The following EPHA4 variants were observed in gnomAD, a reference collection of about 807,000 sequenced individuals.
The protein encoded by EPHA4 is ephrin type-A receptor 4.
EPHA4 carries 19 observed loss-of-function variants against 108.3 expected under a neutral mutation model. The observed-to-expected ratio is 0.18, with a 90% CI of 0.12 to 0.26. EPHA4 has a LOEUF of 0.26. Among genes scored for constraint, EPHA4 ranks in the 10% least tolerant of loss-of-function variants. The probability of loss-of-function intolerance (pLI) is 1.00; values close to 1 mark genes in which losing one functional copy is unlikely to be tolerated. For missense variants in EPHA4, 917 were observed against 1,254.0 expected (o/e 0.73, Z 4.06); for synonymous variants, 449 against 455.5 (o/e 0.99, Z 0.18).
rs139205886 is a variant in EPHA4 at position 221,546,715 on chromosome 2, G to T, written c.823+17016C>A. 7.3e-4 allele frequency among the ~76,000 whole-genome samples: 111 copies of T among 152,228 alleles called. 2 individuals carry two copies. The East Asian group carries it at 0.021, about 28-fold the overall frequency. On this transcript the variant is annotated intron_variant, in intron 3 of 17. Coordinates refer to ENST00000281821, the MANE Select transcript of EPHA4 (RefSeq NM_004438.5). ...TCAAACTGTTCTATCTTGCCATAAGGCTGAGAAAAGACAATAAAGAACCAT... is the reference window on the plus strand; with the variant it reads ...TCAAACTGTTCTATCTTGCCATAAGTCTGAGAAAAGACAATAAAGAACCAT...
In EPHA4 at chr2:221,566,927, A is replaced by G. The variant is rs1307322150; in HGVS notation, c.159+1791T>C. Among the ~76,000 whole-genome samples, 21 of 54,024 alleles carry G rather than the reference A, an allele frequency of 3.9e-4. 3 individuals carry two copies. The highest frequency in any genetic ancestry group is 1.1e-3 in the South Asian group (2 of 1,820). 35.4% of individuals were successfully genotyped at this position (54,024 alleles called of 152,430 possible). On this transcript the variant is annotated intron_variant, in intron 2 of 17. Coordinates refer to ENST00000281821, the MANE Select transcript of EPHA4 (RefSeq NM_004438.5). ...GAGAAGGAGAAGGAGAAGGAGAAGG[A>G]GAAGGAGAAGGAGAAGGAGAAGGAG...
chr2:221,452,457 C>G (rs1235146175), intron 8 of EPHA4, among the ~76,000 whole-genome samples: 1 of 152,224 alleles, frequency 6.6e-6, no homozygotes, highest in East Asian at 1.9e-4. Flanking sequence ...TTCACCTGTT[C>G]TTGTCCCATT....
chr2:221,442,725 C>T, intron 11 of EPHA4, 104 bp downstream of exon 11: 3 of 1,159,650 alleles, frequency 2.6e-6, no homozygotes, highest in Non-Finnish European at 3.8e-6. Flanking sequence ...CTCCTATTAG[C>T]AATCAGTGGG....
At chr2:221,472,300 CA>C (rs11397333) in intron 5 of EPHA4, among the ~76,000 whole-genome samples, 9,816 of 115,846 alleles carry the variant, frequency 0.085, 229 homozygotes, top group Non-Finnish European at 0.092. Flanking sequence ...ACTTATTTTA[CA>C]AAAAAAAAAA....
At chr2:221,523,444 C>A (rs1378474719) in intron 3 of EPHA4, among the ~76,000 whole-genome samples, 1 of 152,066 alleles carries the variant, frequency 6.6e-6, no homozygotes, top group East Asian at 1.9e-4. Flanking sequence ...TGTGCCACCA[C>A]GCCCAGCTAA....
At chr2:221,534,370 A>G (rs527863409) in intron 3 of EPHA4, among the ~76,000 whole-genome samples, 15 of 152,330 alleles carry the variant, frequency 9.8e-5, no homozygotes, top group Non-Finnish European at 4.4e-5. Context: ...ATCCATATCC[A>G]GTACTGCCCT....
chr2:221,426,207 G>A, intron 16 of EPHA4, 65 bp from the exon 17 acceptor site: 1 of 1,399,498 alleles, frequency 7.1e-7, no homozygotes, highest in Admixed American at 1.7e-5. Context: ...CTTTTCTTGG[G>A]CTTCATGCAG....
intron 3 of EPHA4, among the ~76,000 whole-genome samples, chr2:221,502,085 A>C (rs1692506028): frequency 6.6e-6 from 1 of 152,106 alleles, no homozygotes; most frequent in Non-Finnish European, 1.5e-5. Flanking sequence ...ATCTTCATAA[A>C]CATCACACTG....
intron 14 of EPHA4, among the ~76,000 whole-genome samples, chr2:221,433,447 C>T (rs138896575): frequency 3.3e-5 from 5 of 152,216 alleles, no homozygotes; most frequent in Non-Finnish European, 5.9e-5. Context: ...TAAACTTTTC[C>T]AGAATTAGCT....
At chr2:221,468,845 C>A (rs1196652471) in intron 5 of EPHA4, among the ~76,000 whole-genome samples, 1 of 152,222 alleles carries the variant, frequency 6.6e-6, no homozygotes, top group Non-Finnish European at 1.5e-5. Context: ...GCTAAAAGAG[C>A]CTGTCTGCTT....
rs1491028251 is a variant in EPHA4 at position 221,501,192 on chromosome 2, AAC to A, written c.824-22_824-21del. 3.9e-6 allele frequency: 6 copies of A among 1,553,288 alleles called. No homozygotes were observed. In the African/African-American group the frequency reaches 6.9e-5, roughly 18 times the overall value. On this transcript the variant is annotated intron_variant, in intron 3 of 17. Coordinates refer to ENST00000281821, the MANE Select transcript of EPHA4 (RefSeq NM_004438.5). The stretch of plus-strand genomic sequence containing the variant: ...TGCAAGCTGCAGGGAAGAAGAAAAA[AAC>A]AAACAAATAGAAACCACTGCAAATA...
chr2:221,473,552 GAAAAAAA>G lies in EPHA4; in HGVS notation c.1318+8793_1318+8799del, dbSNP rs772366510. Among the ~76,000 whole-genome samples, 1,093 of 109,670 alleles carry G rather than the reference GAAAAAAA, an allele frequency of 1.0e-2. 15 individuals carry two copies. The highest frequency in any genetic ancestry group is 0.035 in the African/African-American group (1,022 of 29,132). The allele number at this position is 109,670 out of a possible 152,430, so 71.9% of individuals were successfully genotyped here. A position where few individuals can be genotyped will look rare whatever the true frequency, so the allele number is the denominator to read the frequency against. Reference sequence around the variant, plus strand: ...TTTTGGGTTTTCAAGGTGTTTAAAGGAAAAAAAAAAAAAAAAAAAAAACTATTTAAAG... The same window carrying G: ...TTTTGGGTTTTCAAGGTGTTTAAAGGAAAAAAAAAAAAAAACTATTTAAAG... On this transcript the variant is annotated intron_variant, in intron 5 of 17. Transcript: ENST00000281821.
chr2:221,426,483 C>T lies in EPHA4; in HGVS notation c.2827G>A (p.Val943Met). The T allele has an allele frequency of 1.9e-6, 3 of 1,609,692 alleles. No individual in the cohort carries two copies. Among genetic ancestry groups the T allele is most frequent in the East Asian group, 2.2e-5 (1 of 44,852 alleles). The stretch of plus-strand genomic sequence containing the variant: ...ACTTACTCCTGGTTCACGTGCACCA[C>T]AGCCTCTAGTGTGGTATAACCAGCA... The part of the protein sequence containing the change: ...TAAGYTTLEA[V>M]VHVNQEDLAR... The change falls in exon 16 of 18, where the codon GTG becomes ATG. Residue 943 changes from valine (V) to methionine (M), a missense_variant. Around this residue, in one of 3 missense-constraint regions of EPHA4, gnomAD observed 133 missense variants for 132.8 expected, o/e 1.00. Coordinates refer to ENST00000281821, the MANE Select transcript of EPHA4 (RefSeq NM_004438.5).
chr2:221,522,292 C>T (rs1693186765), intron 3 of EPHA4, among the ~76,000 whole-genome samples: 1 of 152,236 alleles, frequency 6.6e-6, no homozygotes, highest in South Asian at 2.1e-4. Context: ...GATAGGGTAT[C>T]AAGGAAAATG....
At chr2:221,566,131 C>CT (rs746688177) in intron 2 of EPHA4, among the ~76,000 whole-genome samples, 1 of 152,166 alleles carries the variant, frequency 6.6e-6, no homozygotes, top group African/African-American at 2.4e-5. Flanking sequence ...ATCACTTTCC[C>CT]TAATTCTCAT....
rs1171091857 is a variant in EPHA4, at chr2:221,418,268, T to G, written c.*3104A>C. 4 of 152,654 alleles carry G rather than the reference T, an allele frequency of 2.6e-5. No individual in the cohort carries two copies. Among genetic ancestry groups the G allele is most frequent in the African/African-American group, 9.6e-5 (4 of 41,458 alleles). 9.5% of individuals were successfully genotyped at this position (152,654 alleles called of 1,614,324 possible). ...GGAACGTGTGAACCGAACAATGTTCTGTTAATTTCTTATTCAGTATGAACT... is the reference window on the plus strand; with the variant it reads ...GGAACGTGTGAACCGAACAATGTTCGGTTAATTTCTTATTCAGTATGAACT... On this transcript the variant is annotated 3_prime_UTR_variant, in exon 18 of 18. Transcript: ENST00000281821.
At chr2:221,474,281 C>T (rs57050030) in intron 5 of EPHA4, among the ~76,000 whole-genome samples, 4,154 of 152,136 alleles carry the variant, frequency 0.027, 164 homozygotes, top group African/African-American at 0.089. Context: ...CAAGAGGCTG[C>T]GCCATTGTAT....
At chr2:221,453,838 CT>C (rs1324705698) in intron 8 of EPHA4, among the ~76,000 whole-genome samples, 1 of 152,114 alleles carries the variant, frequency 6.6e-6, no homozygotes, top group Non-Finnish European at 1.5e-5. Flanking sequence ...TAATTGGTCC[CT>C]GTATACCAGG....
Position 221,502,168 on chromosome 2 carries a change from A to G in EPHA4, c.824-996T>C, listed in dbSNP as rs575117478. Among the ~76,000 whole-genome samples the G allele has an allele frequency of 2.9e-3, 434 of 152,250 alleles. 1 individual carries two copies. The highest frequency in any genetic ancestry group is 4.4e-3 in the Non-Finnish European group (301 of 68,014). On this transcript the variant is annotated intron_variant, in intron 3 of 17. Transcript: ENST00000281821. ...AAACTCACTAATTCTGGGAAAACTC[A>G]TAATAAAAAATAATGACTACTTGCT...
Sources: allele counts gnomAD v4.1 joint callset (sites outside exome capture counted in the v4.1 genomes callset), GRCh38; gene constraint gnomAD v4.1.1; regional missense constraint gnomAD v4.1.1; transcripts MANE v1.5; gene names NCBI Gene and HGNC (gene_info 2026-07-23, HGNC 2026-07-21).